Variants in BMPER observed in about 807,000 individuals in gnomAD.
BMPER encodes the protein BMP binding endothelial regulator, also known as BMP-binding endothelial regulator protein.
A neutral mutation model predicts 87.3 loss-of-function variants in BMPER; 45 were observed. That is an observed-to-expected ratio of 0.52 (90% CI 0.41 to 0.66). The LOEUF is 0.66. Ranked by LOEUF, BMPER falls within the 30% of genes least tolerant of loss-of-function variation. The pLI is 0.00. For synonymous variants in BMPER, 326 were observed against 316.2 expected (o/e 1.03, Z -0.33); for missense variants, 784 against 867.5 (o/e 0.90, Z 1.21).
intron 3 of BMPER, among the ~76,000 whole-genome samples, chr7:33,958,960 A>G (rs994755526): frequency 6.6e-6 from 1 of 152,156 alleles, no homozygotes; most frequent in Non-Finnish European, 1.5e-5. Context: ...GGTAGTGAAT[A>G]AGTCTCACAA....
chr7:34,055,128 C>A (rs946719199), intron 8 of BMPER, 35 bp from the exon 9 acceptor site: 37 of 1,613,808 alleles, frequency 2.3e-5, no homozygotes, highest in Non-Finnish European at 3.1e-5. Context: ...AGGCGAAAAT[C>A]ATTTTTAATT....
intron 13 of BMPER, among the ~76,000 whole-genome samples, chr7:34,096,456 A>G (rs745560960): frequency 2.6e-5 from 4 of 152,202 alleles, no homozygotes; most frequent in East Asian, 1.9e-4. Flanking sequence ...CCGTTTCCCA[A>G]TCAACTTGGC....
At chr7:33,947,228 TTAATG>T (rs1348019457) in intron 3 of BMPER, among the ~76,000 whole-genome samples, 1 of 152,122 alleles carries the variant, frequency 6.6e-6, no homozygotes, top group African/African-American at 2.4e-5. Context: ...AAATCACCCT[TTAATG>T]TAGGGTTCTT....
intron 6 of BMPER, among the ~76,000 whole-genome samples, chr7:34,045,336 C>T (rs766124537): frequency 5.3e-5 from 8 of 151,444 alleles, no homozygotes; most frequent in Non-Finnish European, 1.0e-4. Flanking sequence ...TATTTCTACC[C>T]CAGCTTTCTG....
chr7:34,043,460 G>A (rs184754760), intron 6 of BMPER, among the ~76,000 whole-genome samples: 2 of 152,280 alleles, frequency 1.3e-5, no homozygotes, highest in East Asian at 3.9e-4. Context: ...AGTCATATGG[G>A]CACATCTCAC....
chr7:33,973,950 T>C (rs1383890461), intron 5 of BMPER, among the ~76,000 whole-genome samples: 1 of 152,184 alleles, frequency 6.6e-6, no homozygotes, highest in Non-Finnish European at 1.5e-5. Flanking sequence ...GAACACCTCC[T>C]GGGTTTTGGT....
chr7:33,999,849 T>C (rs1786530325), intron 6 of BMPER, among the ~76,000 whole-genome samples: 1 of 152,240 alleles, frequency 6.6e-6, no homozygotes, highest in East Asian at 1.9e-4. Context: ...TTACCTTCCC[T>C]CAATTCCTTC....
chr7:34,044,128 C>G (rs1281254500), intron 6 of BMPER, among the ~76,000 whole-genome samples: 1 of 152,114 alleles, frequency 6.6e-6, no homozygotes, highest in African/African-American at 2.4e-5. Flanking sequence ...ACCAGCAAAC[C>G]CAGATTGGAG....
At chr7:34,092,909 A>G (rs1789427239) in intron 13 of BMPER, among the ~76,000 whole-genome samples, 2 of 152,252 alleles carry the variant, frequency 1.3e-5, no homozygotes, top group Admixed American at 6.5e-5. Context: ...AAGAGAAAAT[A>G]TAGAAAACTA....
At chr7:34,148,756 G>C (rs1473819145) in intron 14 of BMPER, among the ~76,000 whole-genome samples, 1 of 152,152 alleles carries the variant, frequency 6.6e-6, no homozygotes, top group African/African-American at 2.4e-5. Context: ...AGAGGTCAGA[G>C]AGAGGAAAAA....
intron 13 of BMPER, 121 bp from the exon 14 acceptor site, chr7:34,143,109 A>T (rs767259519): frequency 2.3e-5 from 34 of 1,483,832 alleles, no homozygotes; most frequent in Non-Finnish European, 3.1e-5. Context: ...TTCCAGTCTA[A>T]AACAGCAAAT....
chr7:34,045,406 AG>A (rs1279216818), intron 6 of BMPER, among the ~76,000 whole-genome samples: 1 of 152,116 alleles, frequency 6.6e-6, no homozygotes, highest in Non-Finnish European at 1.5e-5. Context: ...GAGGGATAGG[AG>A]GGGAAGTCGT....
intron 13 of BMPER, among the ~76,000 whole-genome samples, chr7:34,087,133 G>T (rs1789236421): frequency 6.6e-6 from 1 of 152,144 alleles, no homozygotes; most frequent in African/African-American, 2.4e-5. Flanking sequence ...GTGGAAAAAA[G>T]ACTGTCCCTG....
At chr7:34,108,615 C>G (rs941701462) in intron 13 of BMPER, among the ~76,000 whole-genome samples, 2 of 152,174 alleles carry the variant, frequency 1.3e-5, no homozygotes, top group African/African-American at 4.8e-5. Flanking sequence ...TCCCTGTAAA[C>G]TTTAGCATGG....
At chr7:34,129,622 G>GAAAGAAAGAAAGAAAGAA (rs1790512640) in intron 13 of BMPER, among the ~76,000 whole-genome samples, 4 of 67,128 alleles carry the variant, frequency 6.0e-5, no homozygotes, top group Admixed American at 1.6e-4. Flanking sequence ...GAGAGAGAGA[G>GAAAGAAAGAAAGAAAGAA]AGAAAGAGAG....
intron 7 of BMPER, among the ~76,000 whole-genome samples, 183 bp downstream of exon 7, chr7:34,046,588 A>G (rs1420438008): frequency 2.0e-5 from 3 of 152,016 alleles, no homozygotes; most frequent in African/African-American, 7.3e-5. Flanking sequence ...CTTAACGGAG[A>G]CCTCCAGGGA....
intron 13 of BMPER, among the ~76,000 whole-genome samples, chr7:34,132,717 G>A (rs930167892): frequency 6.6e-6 from 1 of 152,148 alleles, no homozygotes; most frequent in Admixed American, 6.5e-5. Context: ...TAGTTTTGGG[G>A]CTAGCTGAGC....
At chr7:34,017,929 C>T (rs1787075079) in intron 6 of BMPER, among the ~76,000 whole-genome samples, 1 of 148,682 alleles carries the variant, frequency 6.7e-6, no homozygotes, top group Non-Finnish European at 1.5e-5. Flanking sequence ...CCAGGCTCCT[C>T]TGTGTGGTGC....
At chr7:33,991,372 C>G (rs909534070) in intron 6 of BMPER, among the ~76,000 whole-genome samples, 10 of 152,100 alleles carry the variant, frequency 6.6e-5, no homozygotes, top group African/African-American at 1.9e-4. Context: ...GGAATTTATC[C>G]ATTTCTTCTA....
Sources: allele counts gnomAD v4.1 joint callset (sites outside exome capture counted in the v4.1 genomes callset), GRCh38; gene constraint gnomAD v4.1.1; transcripts MANE v1.5; gene names NCBI Gene and HGNC (gene_info 2026-07-23, HGNC 2026-07-21).